GRIA4: variants seen among roughly 807,000 people sequenced by gnomAD.
The protein encoded by GRIA4 is glutamate receptor 4.
Under a neutral mutation model 104.0 loss-of-function variants are expected in GRIA4, and 34 were observed. The ratio of observed to expected loss-of-function variants is 0.33; its 90% CI spans 0.25 to 0.44. GRIA4 has a LOEUF of 0.44. GRIA4 is among the 20% of genes least tolerant of loss of function. The probability of loss-of-function intolerance (pLI) is 1.00; values close to 1 mark genes in which losing one functional copy is unlikely to be tolerated. For missense variants in GRIA4, 750 were observed against 1,096.5 expected (o/e 0.68, Z 4.46); for synonymous variants, 386 against 381.9 (o/e 1.01, Z -0.13).
intron 3 of GRIA4, among the ~76,000 whole-genome samples, chr11:105,668,325 T>G (rs988225742): frequency 7.4e-5 from 11 of 148,000 alleles, no homozygotes; most frequent in Non-Finnish European, 1.2e-4. Flanking sequence ...TAGAATATTA[T>G]TCACTATATG....
chr11:105,757,895 G>A (rs888106993), intron 4 of GRIA4, among the ~76,000 whole-genome samples: 4 of 152,084 alleles, frequency 2.6e-5, no homozygotes, highest in Non-Finnish European at 5.9e-5. Flanking sequence ...CAAAAGTTCT[G>A]ATTTTTTCCC....
chr11:105,814,271 G>A (rs979867352), intron 4 of GRIA4, among the ~76,000 whole-genome samples: 3 of 152,124 alleles, frequency 2.0e-5, no homozygotes, highest in African/African-American at 7.2e-5. Context: ...GGGGGAAAAT[G>A]GACATTAATG....
intron 3 of GRIA4, among the ~76,000 whole-genome samples, chr11:105,750,252 T>C (rs1939921969): frequency 6.6e-6 from 1 of 152,082 alleles, no homozygotes; most frequent in Non-Finnish European, 1.5e-5. Flanking sequence ...CATAATAACA[T>C]TGAATATTTG....
rs1565496409 is a variant in GRIA4 at position 105,727,727 on chromosome 11, T to A, written c.248-25254T>A. Among the ~76,000 whole-genome samples, 4 of 152,286 alleles carry A rather than the reference T, an allele frequency of 2.6e-5. No individual in the cohort carries two copies. In the South Asian group the frequency reaches 8.3e-4, roughly 32 times the overall value. ...AGAGAGTGGGGGCCAATATTCAACA[T>A]TCCTAAAGAAAAAAATTTTCAACCC... On this transcript the variant is annotated intron_variant, in intron 3 of 16. Coordinates refer to ENST00000282499, the MANE Select transcript of GRIA4 (RefSeq NM_000829.4).
At chr11:105,874,634 AT>A (rs1945748222) in intron 5 of GRIA4, among the ~76,000 whole-genome samples, 1 of 152,078 alleles carries the variant, frequency 6.6e-6, no homozygotes, top group Non-Finnish European at 1.5e-5. Flanking sequence ...GGTCCTTCAT[AT>A]CCCTTGCAAG....
chr11:105,910,132 G>T (rs191378421), intron 9 of GRIA4, among the ~76,000 whole-genome samples: 1 of 152,220 alleles, frequency 6.6e-6, no homozygotes, highest in East Asian at 1.9e-4. Context: ...GAGGGGATCT[G>T]CATAAAATAA....
chr11:105,641,103 T>C (rs997828904), intron 3 of GRIA4, among the ~76,000 whole-genome samples: 3 of 152,140 alleles, frequency 2.0e-5, no homozygotes, highest in Non-Finnish European at 2.9e-5. Context: ...ATATTTGTCA[T>C]AATTTTGAAG....
chr11:105,951,553 C>T (rs1234757991), intron 14 of GRIA4, among the ~76,000 whole-genome samples: 1 of 152,076 alleles, frequency 6.6e-6, no homozygotes, highest in East Asian at 1.9e-4. Flanking sequence ...TCTCAAACAC[C>T]CCAAGGCCAC....
intron 6 of GRIA4, among the ~76,000 whole-genome samples, chr11:105,893,831 G>A (rs928179304): frequency 6.6e-6 from 1 of 152,146 alleles, no homozygotes; most frequent in African/African-American, 2.4e-5. Context: ...GCCTGCCTGT[G>A]GGTCTGCCGT....
intron 15 of GRIA4, among the ~76,000 whole-genome samples, chr11:105,973,101 C>T (rs1858781161): frequency 6.6e-6 from 1 of 152,126 alleles, no homozygotes; most frequent in Non-Finnish European, 1.5e-5. Flanking sequence ...TAAAGTCAGA[C>T]AAGTGCAAAT....
At chr11:105,816,055 G>A (rs1193751258) in intron 4 of GRIA4, among the ~76,000 whole-genome samples, 1 of 152,148 alleles carries the variant, frequency 6.6e-6, no homozygotes, top group African/African-American at 2.4e-5. Flanking sequence ...ACAAGAGGCA[G>A]CACAGTATAA....
Position 105,859,966 on chromosome 11 carries a change from T to C in GRIA4, c.488-2058T>C, listed in dbSNP as rs1945159489. 3.3e-5 allele frequency among the ~76,000 whole-genome samples: 5 copies of C among 152,242 alleles called. No individual in the cohort carries two copies. In the South Asian group the frequency reaches 1.0e-3, roughly 32 times the overall value. On this transcript the variant is annotated intron_variant, in intron 4 of 16. Coordinates refer to ENST00000282499, the MANE Select transcript of GRIA4 (RefSeq NM_000829.4). ...TAAGGAAGGTTTCATGTCATCACGT[T>C]ACATATGTGTCGAATGGGAAACAAG...
At chr11:105,700,699 C>A (rs1953457111) in intron 3 of GRIA4, among the ~76,000 whole-genome samples, 1 of 152,062 alleles carries the variant, frequency 6.6e-6, no homozygotes, top group Non-Finnish European at 1.5e-5. Context: ...TTCGAAATGC[C>A]AAGTCAGGTC....
Position 105,867,890 on chromosome 11 carries a change from A to T in GRIA4, c.672+5682A>T, listed in dbSNP as rs75996185. Among the ~76,000 whole-genome samples, 251 of 152,256 alleles carry T rather than the reference A, an allele frequency of 1.6e-3. 1 individual carries two copies. The highest frequency in any genetic ancestry group is 3.0e-3 in the Non-Finnish European group (204 of 68,010). On this transcript the variant is annotated intron_variant, in intron 5 of 16. Transcript: ENST00000282499. ...CTCTGACAGTAGGAATGAGCCAACAACTGTAGGTGGGACAGCTCTGCACTT... is the reference window on the plus strand; with the variant it reads ...CTCTGACAGTAGGAATGAGCCAACATCTGTAGGTGGGACAGCTCTGCACTT...
intron 3 of GRIA4, among the ~76,000 whole-genome samples, chr11:105,680,267 G>T (rs897845911): frequency 2.6e-5 from 4 of 152,180 alleles, no homozygotes; most frequent in Admixed American, 2.6e-4. Flanking sequence ...GGGGTATGGT[G>T]AGTGGTGCTG....
At position 105,851,909 on chromosome 11, in the gene GRIA4, G is replaced by C. The variant is rs554542936; in HGVS notation, c.488-10115G>C. 2.9e-3 allele frequency among the ~76,000 whole-genome samples: 443 copies of C among 152,268 alleles called. 2 individuals carry two copies. The highest frequency in any genetic ancestry group is 5.0e-3 in the Non-Finnish European group (342 of 68,020). On this transcript the variant is annotated intron_variant, in intron 4 of 16. Coordinates refer to ENST00000282499, the MANE Select transcript of GRIA4 (RefSeq NM_000829.4). ...GTCTGCCTCAGCCACTGGAATGTAA[G>C]CTTCATGAAGAAAAGCACATCCTAC...
chr11:105,895,697 C>T (rs1295555665), intron 6 of GRIA4, among the ~76,000 whole-genome samples: 1 of 152,056 alleles, frequency 6.6e-6, no homozygotes, highest in East Asian at 1.9e-4. Flanking sequence ...ATTACTACCT[C>T]TAGGCAAGAA....
chr11:105,863,106 T>C (rs921587017), intron 5 of GRIA4, among the ~76,000 whole-genome samples: 3 of 152,234 alleles, frequency 2.0e-5, no homozygotes, highest in African/African-American at 7.2e-5. Flanking sequence ...TGATTTCCAT[T>C]AGTAAACTTG....
At chr11:105,908,109 C>T (rs1394712846) in intron 9 of GRIA4, among the ~76,000 whole-genome samples, 1 of 152,116 alleles carries the variant, frequency 6.6e-6, no homozygotes. Context: ...TCCTCACAGC[C>T]GCTCAGTCCC....
Sources: gnomAD v4.1 joint callset for allele counts (sites outside exome capture counted in the v4.1 genomes callset) on GRCh38, gnomAD v4.1.1 for gene constraint, MANE v1.5 for transcripts, NCBI Gene and HGNC (gene_info 2026-07-23, HGNC 2026-07-21) for gene names.